NCLN: variants seen among roughly 807,000 people sequenced by gnomAD.
NCLN encodes BOS complex subunit NCLN.
A neutral mutation model predicts 69.5 loss-of-function variants in NCLN; 34 were observed. The ratio of observed to expected loss-of-function variants is 0.49; its 90% CI spans 0.37 to 0.65. The LOEUF is 0.65. NCLN is among the 30% of genes least tolerant of loss of function. The probability of loss-of-function intolerance (pLI) is 0.00; values close to 1 mark genes in which losing one functional copy is unlikely to be tolerated. For synonymous variants in NCLN, 393 were observed against 358.3 expected (o/e 1.10, Z -1.09); for missense variants, 710 against 804.8 (o/e 0.88, Z 1.42).
rs373546340 is a variant in NCLN at position 3,185,991 on chromosome 19, G to T, written c.-40G>T. 2 of 1,455,804 alleles carry T rather than the reference G, an allele frequency of 1.4e-6. No homozygotes were observed. The highest frequency in any genetic ancestry group is 5.4e-5 in the Admixed American group (2 of 37,322). The allele number at this position is 1,455,804 out of a possible 1,614,324, so 90.2% of individuals were successfully genotyped here. A position where few individuals can be genotyped will look rare whatever the true frequency, so the allele number is the denominator to read the frequency against. On this transcript the variant is annotated 5_prime_UTR_variant, in exon 1 of 15. Coordinates refer to ENST00000246117, the MANE Select transcript of NCLN (RefSeq NM_020170.4). ...CGGGAGCCGCCGCCGCCGCCGTCCC[G>T]TCCCAGCTGCCGCCCCGCGCGGCCC...
At chr19:3,192,753 T>C (rs1915860827) in intron 2 of NCLN, 93 bp downstream of exon 2, 1 of 1,183,900 alleles carries the variant, frequency 8.4e-7, no homozygotes, top group Admixed American at 3.4e-5. Context: ...ACTTCGCCTC[T>C]CTGAGCCCTT....
At position 3,205,561 on chromosome 19, in the gene NCLN, C is replaced by A. The variant is rs549492225; in HGVS notation, c.1209-378C>A. ...CTGTCCCAGCTGTGCTGAGCTCTCT[C>A]AAGACCACCAGGGGTCAGCCCAGGA... On this transcript the variant is annotated intron_variant, in intron 9 of 14. Coordinates refer to ENST00000246117, the MANE Select transcript of NCLN (RefSeq NM_020170.4). The surrounding 1 kb of genome is among the most constrained non-coding windows in gnomAD (Gnocchi z 4.6). 1.5e-3 allele frequency among the ~76,000 whole-genome samples: 229 copies of A among 152,192 alleles called. 1 individual carries two copies. Among genetic ancestry groups the A allele is most frequent in the Non-Finnish European group, 1.8e-3 (125 of 68,034 alleles).
intron 4 of NCLN, 74 bp from the exon 5 acceptor site, chr19:3,198,742 AG>A: frequency 8.1e-7 from 1 of 1,238,286 alleles, no homozygotes; most frequent in Non-Finnish European, 1.1e-6. Context: ...CCCAGAGGGG[AG>A]GGGTCTCCAA....
At chr19:3,195,057 C>T (rs186017817) in intron 3 of NCLN, among the ~76,000 whole-genome samples, 2 of 151,726 alleles carry the variant, frequency 1.3e-5, no homozygotes, top group East Asian at 2.0e-4. Flanking sequence ...GCCTGTAGTC[C>T]CAGCTGCTCA....
intron 2 of NCLN, 108 bp from the exon 3 acceptor site, chr19:3,193,176 C>G: frequency 9.3e-7 from 1 of 1,073,016 alleles, no homozygotes; most frequent in Non-Finnish European, 1.3e-6. Context: ...CCTCCAGGGA[C>G]AGTCACTGGG....
intron 7 of NCLN, 45 bp downstream of exon 7, chr19:3,203,889 C>A (rs768219315): frequency 3.1e-6 from 5 of 1,598,002 alleles, no homozygotes; most frequent in Non-Finnish European, 4.3e-6. Flanking sequence ...GTGGTGGTGC[C>A]GTGGGGAGGC....
At chr19:3,191,356 G>A (rs368381678) in intron 1 of NCLN, among the ~76,000 whole-genome samples, 10 of 152,162 alleles carry the variant, frequency 6.6e-5, no homozygotes, top group Non-Finnish European at 1.3e-4. Context: ...GAATAAGCCC[G>A]TGATGGAGCG....
chr19:3,197,568 A>G (rs1316494744), intron 4 of NCLN, among the ~76,000 whole-genome samples: 1 of 151,048 alleles, frequency 6.6e-6, no homozygotes, highest in Non-Finnish European at 1.5e-5. Flanking sequence ...CGGCCTCCCG[A>G]GTAGCTGGGA....
At chr19:3,202,854 C>T (rs1916163486) in intron 6 of NCLN, among the ~76,000 whole-genome samples, 1 of 152,050 alleles carries the variant, frequency 6.6e-6, no homozygotes. Flanking sequence ...TGGTTTCTGC[C>T]AGGCCTGGGG....
intron 12 of NCLN, among the ~76,000 whole-genome samples, chr19:3,206,637 A>G (rs1916280187): frequency 6.6e-6 from 1 of 152,302 alleles, no homozygotes; most frequent in African/African-American, 2.4e-5. Context: ...GGAGTTCAAG[A>G]CCAGACTGGC....
chr19:3,202,618 C>A (rs1870829384), intron 6 of NCLN, among the ~76,000 whole-genome samples: 3 of 152,218 alleles, frequency 2.0e-5, no homozygotes, highest in Admixed American at 2.0e-4. Flanking sequence ...CTCACAGTCA[C>A]AAGGCGCCGG....
chr19:3,191,465 C>T (rs1319164440), intron 1 of NCLN, among the ~76,000 whole-genome samples: 1 of 152,210 alleles, frequency 6.6e-6, no homozygotes, highest in Non-Finnish European at 1.5e-5. Flanking sequence ...TCTGCCACCC[C>T]AGCCCCTGGA....
chr19:3,192,537 C>T lies in NCLN; in HGVS notation c.252C>T (p.Cys84=), dbSNP rs972638525. 25 of 1,609,540 alleles carry T rather than the reference C, an allele frequency of 1.6e-5. No homozygotes were observed. Among genetic ancestry groups the T allele is most frequent in the African/African-American group, 5.4e-5 (4 of 74,724 alleles). The change falls in exon 2 of 15, where the codon TGC becomes TGT. Residue 84 remains cysteine, a synonymous_variant. Transcript: ENST00000246117. ...CGGCGGAGGTGCTGAGCCGCCGCTGCGTGCTCATGCGGCTACTGGACTTCT... is the reference window on the plus strand; with the variant it reads ...CGGCGGAGGTGCTGAGCCGCCGCTGTGTGCTCATGCGGCTACTGGACTTCT... ...TMAAEVLSRR[C]VLMRLLDFSY...
chr19:3,204,159 C>T lies in NCLN; in HGVS notation c.1029+15C>T, dbSNP rs773750720. On this transcript the variant is annotated intron_variant, in intron 8 of 14. Coordinates refer to ENST00000246117, the MANE Select transcript of NCLN (RefSeq NM_020170.4). ...AGCTGGAGACGGTGGGTGCCCCTTT[C>T]ATGGATGGGTCCGGAGCTCTGCGGA... The T allele has an allele frequency of 6.6e-7, 1 of 1,505,464 alleles. No individual in the cohort carries two copies. Among genetic ancestry groups the T allele is most frequent in the Admixed American group, 2.2e-5 (1 of 44,718 alleles). 93.3% of individuals were successfully genotyped at this position (1,505,464 alleles called of 1,614,324 possible).
At chr19:3,189,135 G>T (rs1277017080) in intron 1 of NCLN, among the ~76,000 whole-genome samples, 1 of 152,216 alleles carries the variant, frequency 6.6e-6, no homozygotes, top group Non-Finnish European at 1.5e-5. Flanking sequence ...GGGTCTCACT[G>T]GCCAGGTGCA....
intron 6 of NCLN, among the ~76,000 whole-genome samples, chr19:3,202,616 C>T (rs958761141): frequency 7.9e-5 from 12 of 152,198 alleles, no homozygotes; most frequent in African/African-American, 7.2e-5. Context: ...TTCTCACAGT[C>T]ACAAGGCGCC....
chr19:3,203,741 G>A lies in NCLN; in HGVS notation c.801-15G>A. The A allele has an allele frequency of 6.2e-7, 1 of 1,605,052 alleles. No homozygotes were observed. The highest frequency in any genetic ancestry group is 8.5e-7 in the Non-Finnish European group (1 of 1,176,134). ...CGCTTGCCCGTCAAAGCTAACACTGGGTCTTCCCTCCCAGCTACAACCTCC... is the reference window on the plus strand; with the variant it reads ...CGCTTGCCCGTCAAAGCTAACACTGAGTCTTCCCTCCCAGCTACAACCTCC... On this transcript the variant is annotated splice_polypyrimidine_tract_variant and intron_variant, in intron 6 of 14. Coordinates refer to ENST00000246117, the MANE Select transcript of NCLN (RefSeq NM_020170.4).
At chr19:3,197,621 CTTTT>C (rs34357515) in intron 4 of NCLN, among the ~76,000 whole-genome samples, 2 of 130,148 alleles carry the variant, frequency 1.5e-5, no homozygotes, top group African/African-American at 2.9e-5. Context: ...TTTTGTAATT[CTTTT>C]TTTTTTTTTT....
intron 1 of NCLN, among the ~76,000 whole-genome samples, chr19:3,189,528 C>T (rs1027280229): frequency 1.3e-5 from 2 of 152,232 alleles, no homozygotes; most frequent in Admixed American, 6.5e-5. Flanking sequence ...GTCTGGCCCC[C>T]GATAGATAGA....
Sources: allele counts gnomAD v4.1 joint callset (sites outside exome capture counted in the v4.1 genomes callset), GRCh38; gene constraint gnomAD v4.1.1; non-coding constraint Gnocchi (gnomAD v3.1); transcripts MANE v1.5; gene names NCBI Gene and HGNC (gene_info 2026-07-23, HGNC 2026-07-21).